Variants in NRG1 observed in about 807,000 individuals in gnomAD.
The protein encoded by NRG1 is neuregulin 1.
NRG1 carries 18 observed loss-of-function variants against 63.8 expected under a neutral mutation model. The observed-to-expected ratio is 0.28, with a 90% CI of 0.19 to 0.42. NRG1 has a LOEUF of 0.42. Among genes scored for constraint, NRG1 ranks in the 10% least tolerant of loss-of-function variants. NRG1 has a pLI of 1.00. For missense variants in NRG1, 762 were observed against 814.7 expected, an observed-to-expected ratio of 0.94 and a Z score of 0.79; for synonymous variants, 302 against 301.3, an observed-to-expected ratio of 1.00 and a Z score of -0.02.
At chr8:31,702,498 C>T (rs534743688) in intron 1 of NRG1, among the ~76,000 whole-genome samples, 16 of 149,620 alleles carry the variant, frequency 1.1e-4, no homozygotes, top group African/African-American at 3.7e-4. Context: ...ACTATATGGG[C>T]TTTATATCTT....
At chr8:32,174,957 G>T (rs983923911) in intron 1 of NRG1, among the ~76,000 whole-genome samples, 1 of 152,174 alleles carries the variant, frequency 6.6e-6, no homozygotes, top group Non-Finnish European at 1.5e-5. Context: ...TAGAAAAAGA[G>T]GAAATCCTCC....
At chr8:32,444,375 A>C (rs1263556917) in intron 1 of NRG1, among the ~76,000 whole-genome samples, 2 of 152,140 alleles carry the variant, frequency 1.3e-5, no homozygotes, top group East Asian at 3.9e-4. Flanking sequence ...CCTGGGCTCA[A>C]GCAGTCCTCC....
At chr8:32,060,275 C>CTT (rs150589431) in intron 1 of NRG1, among the ~76,000 whole-genome samples, 8 of 146,900 alleles carry the variant, frequency 5.4e-5, no homozygotes, top group African/African-American at 2.0e-4. Context: ...TGGCAGACTG[C>CTT]TTTTTTTTTT....
chr8:32,514,647 G>T (rs1382113945), intron 1 of NRG1, among the ~76,000 whole-genome samples: 1 of 151,986 alleles, frequency 6.6e-6, no homozygotes, highest in Non-Finnish European at 1.5e-5. Context: ...ATCATCTAAT[G>T]GATAGTGATT....
rs1040871508 is a variant in NRG1 at position 31,695,034 on chromosome 8, C to T, written c.37+55603C>T. 2.4e-4 allele frequency among the ~76,000 whole-genome samples: 37 copies of T among 152,168 alleles called. 1 individual carries two copies. The highest frequency in any genetic ancestry group is 1.5e-5 in the Non-Finnish European group (1 of 68,032). ...GAGGTTTAATTGACTCACAGTTCTG[C>T]AGGCTGTACAGGAAGCATGGTTGGG... On this transcript the variant is annotated intron_variant, in intron 1 of 10. Coordinates refer to the NRG1 transcript ENST00000519301.
chr8:32,281,544 A>G (rs976259260), intron 1 of NRG1, among the ~76,000 whole-genome samples: 2 of 151,950 alleles, frequency 1.3e-5, no homozygotes, highest in African/African-American at 4.8e-5. Context: ...AACAGTGTCT[A>G]TTGTTCCCTT....
At chr8:31,876,654 C>G (rs1563515870) in intron 1 of NRG1, among the ~76,000 whole-genome samples, 2 of 152,038 alleles carry the variant, frequency 1.3e-5, no homozygotes, top group Non-Finnish European at 2.9e-5. Flanking sequence ...GAAATTTTTA[C>G]TTAATAAATA....
chr8:31,790,232 A>C (rs1820569438), intron 1 of NRG1, among the ~76,000 whole-genome samples: 1 of 152,224 alleles, frequency 6.6e-6, no homozygotes, highest in Admixed American at 6.5e-5. Flanking sequence ...AAATTTTTTT[A>C]GAAAGGATAT....
intron 1 of NRG1, among the ~76,000 whole-genome samples, chr8:32,461,683 ACT>A (rs1822334289): frequency 6.6e-6 from 1 of 151,944 alleles, no homozygotes; most frequent in South Asian, 2.1e-4. Flanking sequence ...CAAAAGCGAG[ACT>A]CTGTCTCCAA....
intron 1 of NRG1, among the ~76,000 whole-genome samples, chr8:32,133,395 A>T (rs1283229719): frequency 5.9e-5 from 9 of 152,042 alleles, no homozygotes; most frequent in South Asian, 2.1e-4. Flanking sequence ...TATTTTTCCC[A>T]GTTACATTTA....
chr8:31,679,441 TG>T (rs1808091549), intron 1 of NRG1, among the ~76,000 whole-genome samples: 1 of 152,220 alleles, frequency 6.6e-6, no homozygotes, highest in Admixed American at 6.6e-5. Flanking sequence ...TCTAGAACAG[TG>T]GGACATATTT....
intron 1 of NRG1, among the ~76,000 whole-genome samples, chr8:31,776,463 A>G (rs868667960): frequency 6.6e-6 from 1 of 152,150 alleles, no homozygotes; most frequent in Admixed American, 6.5e-5. Flanking sequence ...TATGTGAGGT[A>G]ATGGAGAAGC....
chr8:32,205,479 T>G (rs927104435), intron 1 of NRG1, among the ~76,000 whole-genome samples: 1 of 152,138 alleles, frequency 6.6e-6, no homozygotes, highest in Non-Finnish European at 1.5e-5. Flanking sequence ...TCATGAGAAA[T>G]AAAACGCAGG....
intron 1 of NRG1, among the ~76,000 whole-genome samples, chr8:32,448,854 GTCA>G (rs781647881): frequency 1.6e-4 from 25 of 152,206 alleles, no homozygotes; most frequent in Non-Finnish European, 3.2e-4. Flanking sequence ...CTTCTTAAAG[GTCA>G]TCATCATGTT....
chr8:32,568,970 A>G (rs1319274659), intron 1 of NRG1, among the ~76,000 whole-genome samples: 2 of 152,194 alleles, frequency 1.3e-5, no homozygotes, highest in Non-Finnish European at 2.9e-5. Context: ...TGGAAAAAAA[A>G]AAAAAAGTTT....
At chr8:32,412,477 A>ATAT (rs1815243577) in intron 1 of NRG1, among the ~76,000 whole-genome samples, 1 of 108,158 alleles carries the variant, frequency 9.2e-6, no homozygotes. Flanking sequence ...TATATATATG[A>ATAT]ACAGATACAT....
chr8:31,648,292 C>T (rs1047091978), intron 1 of NRG1, among the ~76,000 whole-genome samples: 2 of 151,742 alleles, frequency 1.3e-5, no homozygotes, highest in African/African-American at 4.8e-5. Flanking sequence ...CGCCACCATG[C>T]CCGGCTAATT....
intron 1 of NRG1, among the ~76,000 whole-genome samples, chr8:31,857,586 A>G (rs892834093): frequency 7.2e-5 from 11 of 152,094 alleles, no homozygotes; most frequent in Non-Finnish European, 1.3e-4. Context: ...CGTCGCTCAC[A>G]CTGGGAGCTG....
At chr8:32,762,460 A>G (rs2129060703) in intron 11 of NRG1, among the ~76,000 whole-genome samples, 1 of 152,150 alleles carries the variant, frequency 6.6e-6, no homozygotes, top group East Asian at 1.9e-4. Flanking sequence ...GTTGAATTTA[A>G]ATTAGCATTT....
Sources: gnomAD v4.1 joint callset for allele counts (sites outside exome capture counted in the v4.1 genomes callset) on GRCh38, gnomAD v4.1.1 for gene constraint, MANE v1.5 for transcripts, NCBI Gene and HGNC (gene_info 2026-07-23, HGNC 2026-07-21) for gene names.